MAPDA: variants seen among roughly 807,000 people sequenced by gnomAD.
MAPDA encodes N6-Methyl-AMP deaminase.
the MAPDA span, among the ~76,000 whole-genome samples, chr15:43,337,499 T>C: frequency 6.6e-6 from 1 of 152,184 alleles, no homozygotes; most frequent in South Asian, 2.1e-4. Context: ...TGAAGCTCCA[T>C]GATACTAGAG....
At chr15:43,338,692 A>T in the MAPDA span, among the ~76,000 whole-genome samples, 12 of 152,336 alleles carry the variant, frequency 7.9e-5, no homozygotes, top group African/African-American at 2.9e-4. Context: ...AAGCCCAAAG[A>T]GCTGTTCTCA....
At chr15:43,340,267 C>T in the MAPDA span, 41 of 1,613,622 alleles carry the variant, frequency 2.5e-5, no homozygotes, top group Non-Finnish European at 9.3e-6. Context: ...ATTATCAGGT[C>T]ACAAAAGATG....
the MAPDA span, chr15:43,349,108 C>T: frequency 1.9e-6 from 3 of 1,610,884 alleles, no homozygotes; most frequent in East Asian, 6.7e-5. Flanking sequence ...CCCCAGGTTG[C>T]CTGGGGATTA....
At chr15:43,342,511 G>T in the MAPDA span, among the ~76,000 whole-genome samples, 3 of 150,818 alleles carry the variant, frequency 2.0e-5, no homozygotes, top group African/African-American at 7.3e-5. Flanking sequence ...CACTTTGGGA[G>T]GCCAAGGCGG....
At chr15:43,350,905 CT>C in the MAPDA span, 1 of 1,503,944 alleles carries the variant, frequency 6.6e-7, no homozygotes, top group Non-Finnish European at 9.1e-7. Context: ...CACTTATTTG[CT>C]TTTAATAAGA....
At chr15:43,354,482 T>G in the MAPDA span, 2 of 152,334 alleles carry the variant, frequency 1.3e-5, no homozygotes, top group Non-Finnish European at 2.9e-5. Flanking sequence ...TGATAATATA[T>G]TCAATGAAAA....
chr15:43,350,882 C>T, the MAPDA span: 24 of 1,373,732 alleles, frequency 1.7e-5, no homozygotes, highest in African/African-American at 2.9e-4. Context: ...ACTTGGTGAA[C>T]ACTGAATGAG....
the MAPDA span, among the ~76,000 whole-genome samples, chr15:43,337,813 A>G: frequency 1.3e-5 from 2 of 152,234 alleles, no homozygotes; most frequent in African/African-American, 4.8e-5. Context: ...TGTTCCAGGC[A>G]CTGTGCTAAA....
At chr15:43,339,703 C>T in the MAPDA span, among the ~76,000 whole-genome samples, 1 of 152,302 alleles carries the variant, frequency 6.6e-6, no homozygotes, top group East Asian at 1.9e-4. Flanking sequence ...AAATTGGATA[C>T]AGTTTTACTC....
At chr15:43,351,171 CG>C in the MAPDA span, 2 of 851,512 alleles carry the variant, frequency 2.3e-6, no homozygotes, top group Non-Finnish European at 3.7e-6. Context: ...TAGAAGGGAC[CG>C]GGGTGTGGCT....
chr15:43,340,206 A>G, the MAPDA span: 129 of 1,461,538 alleles, frequency 8.8e-5, no homozygotes, highest in Non-Finnish European at 1.2e-4. Flanking sequence ...CACTTGGCAC[A>G]TTCATTGGGA....
the MAPDA span, chr15:43,349,398 C>G: frequency 2.3e-6 from 2 of 875,584 alleles, no homozygotes; most frequent in Non-Finnish European, 2.8e-6. Flanking sequence ...AAAAATTAAA[C>G]ATGGAAAATC....
the MAPDA span, chr15:43,335,175 G>T: frequency 6.2e-7 from 1 of 1,613,416 alleles, no homozygotes; most frequent in African/African-American, 1.3e-5. Flanking sequence ...AAAGTGGTGA[G>T]AATTCAACTA....
chr15:43,351,870 C>T, the MAPDA span: 3 of 1,551,716 alleles, frequency 1.9e-6, no homozygotes, highest in Admixed American at 2.0e-5. Context: ...TCAACTACAT[C>T]TTTGCTTCTG....
the MAPDA span, chr15:43,335,678 A>G: frequency 6.9e-6 from 11 of 1,590,294 alleles, no homozygotes; most frequent in Non-Finnish European, 9.4e-6. Context: ...GATAAGTTTT[A>G]CTGGTTGTAT....
the MAPDA span, chr15:43,336,742 C>T: frequency 1.5e-6 from 2 of 1,340,190 alleles, no homozygotes; most frequent in South Asian, 1.5e-5. Context: ...AATTTCCTTC[C>T]ATTATTGCAC....
chr15:43,348,558 T>C, the MAPDA span, among the ~76,000 whole-genome samples: 28 of 152,218 alleles, frequency 1.8e-4, no homozygotes, highest in Non-Finnish European at 2.9e-4. Context: ...CATATACATA[T>C]GGAGTTGTGA....
At chr15:43,334,915 A>G in the MAPDA span, 17 of 494,076 alleles carry the variant, frequency 3.4e-5, no homozygotes, top group Non-Finnish European at 5.3e-5. Flanking sequence ...TTGCTTTTAC[A>G]TCTGAAAATA....
chr15:43,336,108 C>T, the MAPDA span, among the ~76,000 whole-genome samples: 1 of 152,150 alleles, frequency 6.6e-6, no homozygotes, highest in Non-Finnish European at 1.5e-5. Flanking sequence ...GTGGCGTGAC[C>T]ACAGATCACT....
Sources: gnomAD v4.1 joint callset for allele counts (sites outside exome capture counted in the v4.1 genomes callset) on GRCh38, gnomAD v4.1.1 for gene constraint, MANE v1.5 for transcripts, NCBI Gene and HGNC (gene_info 2026-07-23, HGNC 2026-07-21) for gene names.